PDE4D: variants seen among roughly 807,000 people sequenced by gnomAD.
PDE4D encodes phosphodiesterase 4D.
In PDE4D, 24 loss-of-function variants were observed where a neutral mutation model predicts 87.4. The ratio of observed to expected loss-of-function variants is 0.27; its 90% CI spans 0.20 to 0.39. The LOEUF (loss-of-function observed/expected upper bound fraction) is 0.39. Among genes scored for constraint, PDE4D ranks in the 10% least tolerant of loss-of-function variants. The pLI is 1.00. For synonymous variants in PDE4D, 384 were observed against 383.2 expected, an observed-to-expected ratio of 1.00 and a Z score of -0.02; for missense variants, 714 against 1,041.0, an observed-to-expected ratio of 0.69 and a Z score of 4.32.
At chr5:59,649,985 T>C (rs11745742) in intron 1 of PDE4D, among the ~76,000 whole-genome samples, 1 of 145,110 alleles carries the variant, frequency 6.9e-6, no homozygotes, top group African/African-American at 2.5e-5. Context: ...TAGACTTTTG[T>C]GTAGAAGTAA....
intron 1 of PDE4D, among the ~76,000 whole-genome samples, chr5:60,432,118 G>C (rs969010421): frequency 6.6e-6 from 1 of 152,062 alleles, no homozygotes; most frequent in Non-Finnish European, 1.5e-5. Context: ...AGAGGGAGAG[G>C]GGATTAGTTT....
chr5:59,164,634 G>A (rs1781622875), intron 5 of PDE4D, among the ~76,000 whole-genome samples: 1 of 151,920 alleles, frequency 6.6e-6, no homozygotes, highest in African/African-American at 2.4e-5. Context: ...CTGCTCCCCT[G>A]GGAAAAAGCA....
At chr5:59,695,536 C>T (rs1237534073) in intron 1 of PDE4D, among the ~76,000 whole-genome samples, 1 of 152,118 alleles carries the variant, frequency 6.6e-6, no homozygotes, top group African/African-American at 2.4e-5. Context: ...CATATTGGAC[C>T]TTGAAGTCCT....
At chr5:59,140,253 G>A (rs536672551) in intron 5 of PDE4D, among the ~76,000 whole-genome samples, 5 of 152,292 alleles carry the variant, frequency 3.3e-5, no homozygotes, top group Non-Finnish European at 5.9e-5. Flanking sequence ...TTACTATAGC[G>A]AGTCACACTT....
At chr5:60,415,469 CG>C (rs1438937720) in intron 1 of PDE4D, among the ~76,000 whole-genome samples, 1 of 152,202 alleles carries the variant, frequency 6.6e-6, no homozygotes. Context: ...GAGGTGCAGG[CG>C]GGAACCGGGG....
At chr5:59,839,044 G>C (rs1176336892) in intron 1 of PDE4D, among the ~76,000 whole-genome samples, 8 of 151,954 alleles carry the variant, frequency 5.3e-5, no homozygotes, top group Non-Finnish European at 1.0e-4. Flanking sequence ...CCATATTGGG[G>C]AGGAGAGCCC....
chr5:60,460,048 T>C, intron 1 of PDE4D: 1 of 1,535,718 alleles, frequency 6.5e-7, no homozygotes, highest in Non-Finnish European at 9.0e-7. Flanking sequence ...CCAAATATCA[T>C]CTTTGGTGAC....
rs531572040 is a variant in PDE4D, at chr5:59,344,496, G to C, written c.456-128528C>G. Among the ~76,000 whole-genome samples the C allele has an allele frequency of 2.0e-5, 3 of 152,106 alleles. No individual in the cohort carries two copies. The South Asian group carries it at 6.2e-4, about 32-fold the overall frequency. ...CATTCACTGCAGCCTTGACCTCCCA[G>C]GCTCAAGCAATCCTCCCTCAGCCCC... On this transcript the variant is annotated intron_variant, in intron 1 of 14. Transcript: ENST00000340635.
intron 1 of PDE4D, among the ~76,000 whole-genome samples, chr5:59,409,063 G>A (rs565735764): frequency 2.0e-4 from 30 of 151,512 alleles, no homozygotes; most frequent in African/African-American, 5.8e-4. Context: ...CAGGAGAATC[G>A]CTTGAACCCA....
chr5:59,311,912 T>G (rs1338724785), intron 1 of PDE4D, among the ~76,000 whole-genome samples: 3 of 152,088 alleles, frequency 2.0e-5, no homozygotes, highest in African/African-American at 7.2e-5. Context: ...GGGCCCTGCA[T>G]CGGCCCTGGA....
In PDE4D at chr5:60,334,932, T is replaced by A. The variant is rs566469532; in HGVS notation, c.-89-149245A>T. The A allele has an allele frequency of 6.6e-5, 10 of 152,316 alleles. No individual in the cohort carries two copies. The East Asian group carries it at 1.9e-3, about 29-fold the overall frequency. The allele number at this position is 152,316 out of a possible 1,614,324, so 9.4% of individuals were successfully genotyped here. A position where few individuals can be genotyped will look rare whatever the true frequency, so the allele number is the denominator to read the frequency against. On this transcript the variant is annotated intron_variant, in intron 1 of 16. Transcript: ENST00000502484. ...TTTTTAATGGATTCCATTTACAACC[T>A]AATGATAGTCTGAAAACAGCTGAAC...
chr5:60,370,787 A>C (rs918859437), intron 1 of PDE4D, among the ~76,000 whole-genome samples: 1 of 151,594 alleles, frequency 6.6e-6, no homozygotes, highest in Non-Finnish European at 1.5e-5. Context: ...GCGTGCGTGC[A>C]TGCCCACTTG....
chr5:59,901,614 A>G (rs934320245), intron 3 of PDE4D, among the ~76,000 whole-genome samples: 1 of 152,150 alleles, frequency 6.6e-6, no homozygotes, highest in Admixed American at 6.6e-5. Flanking sequence ...GTCAAAATAC[A>G]TGAAAAGGCA....
At chr5:59,372,909 G>C (rs1234102638) in intron 1 of PDE4D, among the ~76,000 whole-genome samples, 1 of 152,104 alleles carries the variant, frequency 6.6e-6, no homozygotes, top group East Asian at 1.9e-4. Context: ...CAGAAGTTGG[G>C]AGCTGAGTGT....
intron 1 of PDE4D, among the ~76,000 whole-genome samples, chr5:59,663,574 T>A (rs1406496688): frequency 6.6e-6 from 1 of 152,218 alleles, no homozygotes; most frequent in East Asian, 1.9e-4. Context: ...TGCTTGATTA[T>A]ATTGTGATAT....
chr5:59,609,833 T>C (rs1427645612), intron 1 of PDE4D, among the ~76,000 whole-genome samples: 4 of 152,124 alleles, frequency 2.6e-5, no homozygotes, highest in Non-Finnish European at 5.9e-5. Context: ...GGTGTAGTGG[T>C]TCTTGGCAGA....
chr5:58,987,815 T>G (rs146992435), intron 11 of PDE4D, among the ~76,000 whole-genome samples: 1 of 152,178 alleles, frequency 6.6e-6, no homozygotes, highest in Non-Finnish European at 1.5e-5. Context: ...AAGTACCAAA[T>G]AGAATTTCTA....
intron 1 of PDE4D, among the ~76,000 whole-genome samples, chr5:59,233,532 A>C (rs1387699946): frequency 6.6e-6 from 1 of 152,106 alleles, no homozygotes; most frequent in Non-Finnish European, 1.5e-5. Flanking sequence ...TCAGACTGGC[A>C]ATGTCGTAGG....
chr5:59,405,097 A>T (rs34315041), intron 1 of PDE4D, among the ~76,000 whole-genome samples: 101,760 of 151,484 alleles, frequency 0.67, 34,979 homozygotes, highest in African/African-American at 0.8. Context: ...ATTTTAAGAT[A>T]TTTTTCTATA....
Sources: gnomAD v4.1 joint callset for allele counts (sites outside exome capture counted in the v4.1 genomes callset) on GRCh38, gnomAD v4.1.1 for gene constraint, MANE v1.5 for transcripts, NCBI Gene and HGNC (gene_info 2026-07-23, HGNC 2026-07-21) for gene names.